Variants in WDR37 observed in about 807,000 individuals in gnomAD.
The protein encoded by WDR37 is WD repeat-containing protein 37.
A neutral mutation model predicts 62.9 loss-of-function variants in WDR37; 19 were observed. The ratio of observed to expected loss-of-function variants is 0.30; its 90% CI spans 0.21 to 0.44. The LOEUF (loss-of-function observed/expected upper bound fraction) is 0.44, where lower values mean the gene tolerates loss of function less well. Among genes scored for constraint, WDR37 ranks in the 20% least tolerant of loss-of-function variants. WDR37 has a pLI of 1.00. For missense variants in WDR37, 474 were observed against 657.6 expected, an observed-to-expected ratio of 0.72 and a Z score of 3.05; for synonymous variants, 250 against 260.9, an observed-to-expected ratio of 0.96 and a Z score of 0.40.
At chr10:1,081,970 A>G (rs1224500795) in intron 5 of WDR37, among the ~76,000 whole-genome samples, 1 of 152,196 alleles carries the variant, frequency 6.6e-6, no homozygotes, top group Non-Finnish European at 1.5e-5. Context: ...GCTTTGCTTT[A>G]AAAAATGTAT....
chr10:1,084,588 A>T (rs1834139258), intron 6 of WDR37, 50 bp downstream of exon 6: 1 of 1,592,488 alleles, frequency 6.3e-7, no homozygotes, highest in Non-Finnish European at 8.6e-7. Flanking sequence ...GCTGTGCTTA[A>T]TCCCTGAGTG....
chr10:1,130,590 G>C lies in WDR37; in HGVS notation c.*1246G>C, dbSNP rs1461604792. The C allele has an allele frequency of 6.6e-6, 1 of 152,240 alleles. No individual in the cohort carries two copies. The highest frequency in any genetic ancestry group is 1.5e-5 in the Non-Finnish European group (1 of 68,044). 9.4% of individuals were successfully genotyped at this position (152,240 alleles called of 1,614,324 possible). On this transcript the variant is annotated 3_prime_UTR_variant, in exon 14 of 14. Transcript: ENST00000263150. ...CTTGCTGAGTTACAGTTTTGATAAA[G>C]AGGCTCTCATTTCCTGTGTCTTGTA...
chr10:1,125,221 G>GTTT, intron 13 of WDR37, 197 bp downstream of exon 13: 5 of 484,166 alleles, frequency 1.0e-5, no homozygotes, highest in African/African-American at 2.2e-5. Flanking sequence ...CTACTTCAGT[G>GTTT]TTTTTTTTTT....
chr10:1,061,875 G>GA (rs1252993831), intron 1 of WDR37, among the ~76,000 whole-genome samples: 1 of 151,904 alleles, frequency 6.6e-6, no homozygotes, highest in African/African-American at 2.4e-5. Flanking sequence ...CTACGTGCAT[G>GA]AGGTATACAT....
At chr10:1,061,966 C>G (rs1833384625) in intron 1 of WDR37, among the ~76,000 whole-genome samples, 1 of 151,660 alleles carries the variant, frequency 6.6e-6, no homozygotes, top group Non-Finnish European at 1.5e-5. Context: ...ATTCCAAAAT[C>G]TGAAAGCATC....
chr10:1,108,371 T>G (rs1294312598), intron 11 of WDR37, among the ~76,000 whole-genome samples: 1 of 152,220 alleles, frequency 6.6e-6, no homozygotes, highest in Non-Finnish European at 1.5e-5. Flanking sequence ...CCTGCTCTTT[T>G]GCAGAACGCC....
rs1226071532 is a variant in WDR37, at chr10:1,105,959, G to T, written c.1103+692G>T. On this transcript the variant is annotated intron_variant, in intron 11 of 13. Coordinates refer to ENST00000263150, the MANE Select transcript of WDR37 (RefSeq NM_014023.4). This position sits in a 1 kb window ranked among gnomAD's most constrained non-coding sequence, Gnocchi z 5.3. ...TGCCACCACGCCTGGCTAGTTTTTT[G>T]TATTTTTAGTAGAGATGGGGTTTCA... Among the ~76,000 whole-genome samples the T allele has an allele frequency of 6.6e-6, 1 of 152,012 alleles. No individual in the cohort carries two copies. Among genetic ancestry groups the T allele is most frequent in the Non-Finnish European group, 1.5e-5 (1 of 68,002 alleles).
At chr10:1,082,765 C>T (rs919293957) in intron 5 of WDR37, among the ~76,000 whole-genome samples, 1 of 125,720 alleles carries the variant, frequency 8.0e-6, no homozygotes, top group African/African-American at 4.4e-5. Context: ...CCCTGCACAG[C>T]TCCAGCAGCA....
chr10:1,085,197 C>T (rs533528292), intron 6 of WDR37, among the ~76,000 whole-genome samples: 3 of 151,170 alleles, frequency 2.0e-5, no homozygotes, highest in African/African-American at 7.3e-5. Context: ...TGGTCTTGAT[C>T]TCCTGACCTT....
chr10:1,070,299 T>A (rs1833689275), intron 1 of WDR37, among the ~76,000 whole-genome samples: 1 of 152,174 alleles, frequency 6.6e-6, no homozygotes, highest in Non-Finnish European at 1.5e-5. Flanking sequence ...TTAAAGCTTT[T>A]AAAAACTGTC....
At chr10:1,126,257 T>A (rs1260184725) in intron 13 of WDR37, among the ~76,000 whole-genome samples, 1 of 151,946 alleles carries the variant, frequency 6.6e-6, no homozygotes, top group East Asian at 1.9e-4. Flanking sequence ...TACAAAAAAA[T>A]CAGCCAGGCG....
intron 1 of WDR37, among the ~76,000 whole-genome samples, chr10:1,068,414 G>A (rs143840330): frequency 4.0e-5 from 6 of 150,936 alleles, no homozygotes; most frequent in African/African-American, 1.5e-4. Context: ...CCGAGATTGA[G>A]CCACTGCACT....
chr10:1,097,336 A>G (rs1377201442), intron 9 of WDR37, among the ~76,000 whole-genome samples: 1 of 152,152 alleles, frequency 6.6e-6, no homozygotes, highest in Non-Finnish European at 1.5e-5. Flanking sequence ...AGGACTGGAG[A>G]TGGGATTATA....
intron 2 of WDR37, among the ~76,000 whole-genome samples, chr10:1,075,489 G>T (rs1833853482): frequency 1.4e-5 from 2 of 144,694 alleles, no homozygotes; most frequent in Admixed American, 1.5e-4. Context: ...GTGTCCATGT[G>T]TTAGCAACTA....
At position 1,092,862 on chromosome 10, in the gene WDR37, C is replaced by T. The variant is rs190555937; in HGVS notation, c.605-590C>T. ...TCCAGCCTAGGCAACCAGAGCAAGA[C>T]CCTATCTCACAAAAAAAAAAAAAAA... On this transcript the variant is annotated intron_variant, in intron 7 of 13. Coordinates refer to ENST00000263150, the MANE Select transcript of WDR37 (RefSeq NM_014023.4). Among the ~76,000 whole-genome samples the T allele has an allele frequency of 6.3e-3, 589 of 93,278 alleles. 4 individuals carry two copies. The highest frequency in any genetic ancestry group is 0.01 in the Non-Finnish European group (489 of 47,790). 61.2% of individuals were successfully genotyped at this position (93,278 alleles called of 152,430 possible).
chr10:1,068,082 G>A (rs920228285), intron 1 of WDR37, among the ~76,000 whole-genome samples: 2 of 152,146 alleles, frequency 1.3e-5, no homozygotes, highest in Admixed American at 6.5e-5. Flanking sequence ...GTGTGAGTCG[G>A]GGGCGGAGGG....
intron 5 of WDR37, among the ~76,000 whole-genome samples, chr10:1,082,096 AT>A (rs773422661): frequency 3.3e-5 from 5 of 152,266 alleles, no homozygotes; most frequent in Non-Finnish European, 5.9e-5. Flanking sequence ...ATTGTAAAAA[AT>A]AACTATGAAA....
intron 3 of WDR37, 62 bp from the exon 4 acceptor site, chr10:1,079,949 G>A (rs1402331357): frequency 1.4e-6 from 2 of 1,423,388 alleles, no homozygotes; most frequent in Admixed American, 1.9e-5. Flanking sequence ...AGTTTTGGAA[G>A]TGGTGAGTAC....
chr10:1,064,227 T>C (rs1424641546), intron 1 of WDR37, among the ~76,000 whole-genome samples: 2 of 152,068 alleles, frequency 1.3e-5, no homozygotes, highest in South Asian at 2.1e-4. Context: ...AATTTGAAGA[T>C]AGAACAATAG....
Sources: gnomAD v4.1 joint callset for allele counts (sites outside exome capture counted in the v4.1 genomes callset) on GRCh38, gnomAD v4.1.1 for gene constraint, Gnocchi (gnomAD v3.1) non-coding constraint, MANE v1.5 for transcripts, NCBI Gene and HGNC (gene_info 2026-07-23, HGNC 2026-07-21) for gene names.